Variants in PCSK2 observed in about 807,000 individuals in gnomAD.
The protein encoded by PCSK2 is neuroendocrine convertase 2.
Under a neutral mutation model 69.7 loss-of-function variants are expected in PCSK2, and 14 were observed. The observed-to-expected ratio is 0.20, with a 90% CI of 0.13 to 0.31. The LOEUF is 0.31. PCSK2 is among the 10% of genes least tolerant of loss of function. PCSK2 has a pLI of 1.00. For synonymous variants in PCSK2, 307 were observed against 320.7 expected, an observed-to-expected ratio of 0.96 and a Z score of 0.46; for missense variants, 544 against 842.5, an observed-to-expected ratio of 0.65 and a Z score of 4.39.
chr20:17,234,015 T>C (rs1254413987), intron 1 of PCSK2, among the ~76,000 whole-genome samples: 1 of 152,212 alleles, frequency 6.6e-6, no homozygotes, highest in African/African-American at 2.4e-5. Context: ...CCCTGGTCCG[T>C]GAATTAGAAG....
intron 2 of PCSK2, among the ~76,000 whole-genome samples, chr20:17,303,552 AATAT>A (rs372994711): frequency 1.4e-4 from 7 of 50,468 alleles, no homozygotes; most frequent in Middle Eastern, 0.01. Flanking sequence ...AATATGATAT[AATAT>A]ATATTATATA....
At chr20:17,402,104 G>T (rs181179624) in intron 5 of PCSK2, among the ~76,000 whole-genome samples, 1 of 152,274 alleles carries the variant, frequency 6.6e-6, no homozygotes, top group African/African-American at 2.4e-5. Context: ...CCCTCCGGAG[G>T]TGTCTGCCTC....
At chr20:17,415,223 T>C (rs915848085) in intron 6 of PCSK2, among the ~76,000 whole-genome samples, 1 of 152,080 alleles carries the variant, frequency 6.6e-6, no homozygotes, top group East Asian at 1.9e-4. Context: ...GGTATTCAAA[T>C]AGGAAAAAAG....
At chr20:17,262,991 C>A in intron 2 of PCSK2, 1 of 181,434 alleles carries the variant, frequency 5.5e-6, no homozygotes, top group Non-Finnish European at 1.1e-5. Flanking sequence ...GCCTGTCTCA[C>A]TCACTGTCTA....
At chr20:17,227,760 C>G (rs1307332371) in intron 1 of PCSK2, among the ~76,000 whole-genome samples, 2 of 152,164 alleles carry the variant, frequency 1.3e-5, no homozygotes, top group East Asian at 1.9e-4. Context: ...TGCCATGCTC[C>G]GGGGATGCTG....
At chr20:17,300,047 C>T (rs1348113507) in intron 2 of PCSK2, among the ~76,000 whole-genome samples, 3 of 152,206 alleles carry the variant, frequency 2.0e-5, no homozygotes, top group Non-Finnish European at 4.4e-5. Context: ...CCACATACTT[C>T]AGGCCCAGAA....
At chr20:17,329,161 A>G (rs148822062) in intron 2 of PCSK2, among the ~76,000 whole-genome samples, 1,928 of 152,322 alleles carry the variant, frequency 0.013, 44 homozygotes, top group African/African-American at 0.044. Flanking sequence ...TTCTCTTTGT[A>G]TTTGGCAAAA....
At chr20:17,327,516 A>T (rs924042764) in intron 2 of PCSK2, among the ~76,000 whole-genome samples, 1 of 152,110 alleles carries the variant, frequency 6.6e-6, no homozygotes, top group Non-Finnish European at 1.5e-5. Flanking sequence ...CCCGACCCCC[A>T]CCCGTAAATA....
At chr20:17,236,854 A>G (rs992127153) in intron 1 of PCSK2, among the ~76,000 whole-genome samples, 1 of 152,166 alleles carries the variant, frequency 6.6e-6, no homozygotes. Flanking sequence ...TAGGAATCAC[A>G]ATTATTTCAG....
intron 5 of PCSK2, among the ~76,000 whole-genome samples, chr20:17,391,939 A>AGGAAGGAAGGAAGGAAGGAT (rs1187566810): frequency 7.1e-6 from 1 of 141,454 alleles, no homozygotes; most frequent in Non-Finnish European, 1.6e-5. Flanking sequence ...GAAGGAAGGA[A>AGGAAGGAAGGAAGGAAGGAT]GGAAGGAAGG....
intron 11 of PCSK2, among the ~76,000 whole-genome samples, chr20:17,467,041 G>A (rs1041977929): frequency 1.3e-5 from 2 of 152,196 alleles, no homozygotes; most frequent in African/African-American, 4.8e-5. Context: ...TTCCCTGCCA[G>A]GGTCATATTT....
In PCSK2 at chr20:17,347,918, AAGGAGAG is replaced by A. The variant is rs1568612396; in HGVS notation, c.283-10406_283-10400del. Reference sequence around the variant, plus strand: ...AAAGAAAGAAAGAAAGAAAGAAAGAAAGGAGAGAGAAAAAAGAGAAAGAAAGAAAGAA... The same window carrying A: ...AAAGAAAGAAAGAAAGAAAGAAAGAAAGAAAAAAGAGAAAGAAAGAAAGAA... On this transcript the variant is annotated intron_variant, in intron 2 of 11. Transcript: ENST00000262545. Among the ~76,000 whole-genome samples, 64 of 106,840 alleles carry A rather than the reference AAGGAGAG, an allele frequency of 6.0e-4. 7 individuals are homozygous for A. Among genetic ancestry groups the A allele is most frequent in the African/African-American group, 2.3e-3 (62 of 26,524 alleles). 70.1% of individuals were successfully genotyped at this position (106,840 alleles called of 152,430 possible).
chr20:17,321,138 G>C (rs1989854207), intron 2 of PCSK2, among the ~76,000 whole-genome samples: 1 of 152,140 alleles, frequency 6.6e-6, no homozygotes, highest in Non-Finnish European at 1.5e-5. Context: ...TACTCAACAG[G>C]AAAGCAAAGA....
At chr20:17,353,862 A>T (rs976020132) in intron 2 of PCSK2, among the ~76,000 whole-genome samples, 6 of 152,228 alleles carry the variant, frequency 3.9e-5, no homozygotes, top group Admixed American at 3.9e-4. Flanking sequence ...TTGGATGCAG[A>T]TGGAGTTCAT....
chr20:17,321,930 T>G (rs1989880328), intron 2 of PCSK2, among the ~76,000 whole-genome samples: 1 of 152,048 alleles, frequency 6.6e-6, no homozygotes, highest in Non-Finnish European at 1.5e-5. Context: ...AAATAAAAAT[T>G]ATCGTTCATG....
chr20:17,319,787 T>A (rs926342072), intron 2 of PCSK2, among the ~76,000 whole-genome samples: 6 of 152,164 alleles, frequency 3.9e-5, no homozygotes, highest in African/African-American at 1.4e-4. Context: ...GGACTTTGAA[T>A]CATGTAAGCA....
In PCSK2 at chr20:17,450,017, C is replaced by CTTTTTTTTTTTT. The variant is rs61156656; in HGVS notation, c.886-3706_886-3695dup. 2.1e-4 allele frequency among the ~76,000 whole-genome samples: 13 copies of CTTTTTTTTTTTT among 61,802 alleles called. 2 individuals carry two copies. Among genetic ancestry groups the CTTTTTTTTTTTT allele is most frequent in the Admixed American group, 8.3e-4 (3 of 3,630 alleles). The allele number at this position is 61,802 out of a possible 152,430, so 40.5% of individuals were successfully genotyped here. On this transcript the variant is annotated intron_variant, in intron 8 of 11. Transcript: ENST00000262545. ...TTTTTAAGTTTGTTGAATTTCTTCC[C>CTTTTTTTTTTTT]TTTTTTTTTTTTTTTTTTTTTTTTT... is the stretch of plus-strand genomic sequence containing the variant.
At chr20:17,449,996 T>A (rs2032788512) in intron 8 of PCSK2, among the ~76,000 whole-genome samples, 1 of 149,864 alleles carries the variant, frequency 6.7e-6, no homozygotes, top group South Asian at 2.1e-4. Flanking sequence ...TTTTTTTTTT[T>A]AAGTTTGTTG....
intron 2 of PCSK2, among the ~76,000 whole-genome samples, chr20:17,348,031 GAAGAAAGAAAGAAAGAAAGGA>G (rs1369533461): frequency 0.072 from 5,153 of 71,824 alleles, 242 homozygotes; most frequent in Non-Finnish European, 0.097. Flanking sequence ...GAGAAAGAAA[GAAGAAAGAAAGAAAGAAAGGA>G]AAGAAAGAAA....
Sources: gnomAD v4.1 joint callset for allele counts (sites outside exome capture counted in the v4.1 genomes callset) on GRCh38, gnomAD v4.1.1 for gene constraint, MANE v1.5 for transcripts, NCBI Gene and HGNC (gene_info 2026-07-23, HGNC 2026-07-21) for gene names.